KANTR: variants seen among roughly 807,000 people sequenced by gnomAD.
The protein encoded by KANTR is KDM5C adjacent transcript.
At chrX:53,122,135 C>A (rs1933232699) in intron 2 of KANTR, among the ~76,000 whole-genome samples, 2 of 112,171 alleles carry the variant, frequency 1.8e-5, no homozygotes, top group South Asian at 7.3e-4. Context: ...ATACTGTGTT[C>A]TTTGTTTTGT....
intron 2 of KANTR, among the ~76,000 whole-genome samples, chrX:53,120,216 T>G (rs1933196841): frequency 9.1e-6 from 1 of 110,259 alleles, no homozygotes; most frequent in South Asian, 3.9e-4. Flanking sequence ...GGTATTTTTT[T>G]GTAGAGACAG....
downstream of KANTR, chrX:53,143,061 G>A (rs781833239): frequency 1.2e-3 from 1,496 of 1,201,646 alleles, 6 homozygotes; most frequent in South Asian, 0.016. Flanking sequence ...GGATGTCCAC[G>A]TCACACTTCA....
Position 53,117,431 on chromosome X carries a change from C to T in KANTR, c.-804-6038C>T, listed in dbSNP as rs782663273. ...TTTCTATCCCATTCCTCACCCTCCC[C>T]ACCACTCCACTCCTGAAATTCCTGC... On this transcript the variant is annotated intron_variant, in intron 2 of 2. Coordinates refer to ENST00000604062, the Ensembl canonical transcript of KANTR. Among the ~76,000 whole-genome samples, 3 of 110,624 alleles carry T rather than the reference C, an allele frequency of 2.7e-5. No homozygotes were observed. In the South Asian group the frequency reaches 1.1e-3, roughly 42 times the overall value.
chrX:53,117,454 T>G lies in KANTR; in HGVS notation c.-804-6015T>G, dbSNP rs1933142565. Among the ~76,000 whole-genome samples, 4 of 110,479 alleles carry G rather than the reference T, an allele frequency of 3.6e-5. No homozygotes were observed. The South Asian group carries it at 1.5e-3, about 42-fold the overall frequency. On this transcript the variant is annotated intron_variant, in intron 2 of 2. Transcript: ENST00000604062. Reference sequence around the variant, plus strand: ...CCCACCACTCCACTCCTGAAATTCCTGCTCTGCTAAGTCTTGTGCTTAACA... The same window carrying G: ...CCCACCACTCCACTCCTGAAATTCCGGCTCTGCTAAGTCTTGTGCTTAACA...
exon 3 of KANTR, chrX:53,126,359 C>T (rs782231051): frequency 9.0e-6 from 1 of 110,939 alleles, no homozygotes; most frequent in East Asian, 2.8e-4. Flanking sequence ...TTCTATCTTC[C>T]GTATCTCATA....
chrX:53,104,875 CTA>C (rs782173171), intron 2 of KANTR, among the ~76,000 whole-genome samples: 1 of 110,160 alleles, frequency 9.1e-6, no homozygotes, highest in Non-Finnish European at 1.9e-5. Flanking sequence ...TATGGTGGCT[CTA>C]TGTTTAACTT....
At chrX:53,103,985 C>T (rs1030382945) in intron 2 of KANTR, among the ~76,000 whole-genome samples, 3 of 110,756 alleles carry the variant, frequency 2.7e-5, no homozygotes, top group Non-Finnish European at 5.7e-5. Context: ...ATTACTTCTT[C>T]CATCTTTTCG....
At chrX:53,143,499 C>T (rs1556818812), downstream of KANTR, 4 of 599,851 alleles carry the variant, frequency 6.7e-6, no homozygotes, top group East Asian at 1.0e-4. Flanking sequence ...AGGGACAACA[C>T]GGCCTGGATG....
chrX:53,113,192 T>C (rs1180946752), intron 2 of KANTR: 5 of 223,409 alleles, frequency 2.2e-5, no homozygotes, highest in Non-Finnish European at 4.4e-5. Context: ...TGAGGTGCCC[T>C]TATCAACGTT....
At chrX:53,141,576 C>T (rs146199703) in intron 2 of KANTR, among the ~76,000 whole-genome samples, 1,395 of 110,030 alleles carry the variant, frequency 0.013, 10 homozygotes, top group Non-Finnish European at 0.02. Context: ...TACCTTCCCT[C>T]CCTCCCTTCC....
chrX:53,120,132 T>C (rs2146740998), intron 2 of KANTR, among the ~76,000 whole-genome samples: 1 of 111,098 alleles, frequency 9.0e-6, no homozygotes, highest in South Asian at 3.8e-4. Flanking sequence ...CCTCCAGGGC[T>C]CAAGCAGTTC....
At chrX:53,112,635 C>T (rs1045974945) in intron 2 of KANTR, among the ~76,000 whole-genome samples, 1 of 110,696 alleles carries the variant, frequency 9.0e-6, no homozygotes, top group Non-Finnish European at 1.9e-5. Flanking sequence ...TTATTTGCTT[C>T]TTTTCTCTTC....
chrX:53,138,369 T>C (rs1933454018), intron 2 of KANTR, among the ~76,000 whole-genome samples: 1 of 108,219 alleles, frequency 9.2e-6, no homozygotes, highest in Non-Finnish European at 1.9e-5. Context: ...TTTCTTTGAA[T>C]TTAGAAATAT....
At chrX:53,115,629 C>G (rs1219904568) in intron 2 of KANTR, among the ~76,000 whole-genome samples, 1 of 113,073 alleles carries the variant, frequency 8.8e-6, no homozygotes, top group Non-Finnish European at 1.9e-5. Context: ...GGGTGCCTGC[C>G]CAGTGCTGGG....
intron 2 of KANTR, chrX:53,112,992 G>C (rs1416664942): frequency 1.5e-5 from 2 of 136,868 alleles, no homozygotes; most frequent in African/African-American, 6.5e-5. Flanking sequence ...TGCTTGATCA[G>C]TTCTGAGTGG....
chrX:53,097,745 A>T (rs1932856514), intron 1 of KANTR, among the ~76,000 whole-genome samples: 2 of 108,330 alleles, frequency 1.8e-5, no homozygotes, highest in South Asian at 8.3e-4. Flanking sequence ...GATTCCCCAC[A>T]TGTTAAGAAA....
At chrX:53,139,268 A>G (rs1430801143) in intron 2 of KANTR, among the ~76,000 whole-genome samples, 1 of 110,996 alleles carries the variant, frequency 9.0e-6, no homozygotes, top group East Asian at 2.8e-4. Context: ...TTGAGGACCT[A>G]AATGTGAAAA....
chrX:53,104,625 C>A (rs888989760), intron 2 of KANTR, among the ~76,000 whole-genome samples: 1 of 111,555 alleles, frequency 9.0e-6, no homozygotes, highest in Admixed American at 9.6e-5. Context: ...AGAGATTTGT[C>A]TATTCTAGAT....
intron 2 of KANTR, among the ~76,000 whole-genome samples, chrX:53,112,410 G>T (rs781977952): frequency 8.2e-4 from 92 of 112,177 alleles, no homozygotes; most frequent in African/African-American, 2.7e-3. Context: ...GTTTTTGCAG[G>T]TGTGAATTGT....
Sources: gnomAD v4.1 joint callset for allele counts (sites outside exome capture counted in the v4.1 genomes callset) on GRCh38, gnomAD v4.1.1 for gene constraint, MANE v1.5 for transcripts, NCBI Gene and HGNC (gene_info 2026-07-23, HGNC 2026-07-21) for gene names.